DPP4: variants seen among roughly 807,000 people sequenced by gnomAD.
DPP4 encodes dipeptidyl peptidase 4.
Under a neutral mutation model 122.4 loss-of-function variants are expected in DPP4, and 93 were observed. The ratio of observed to expected loss-of-function variants is 0.76; its 90% CI spans 0.64 to 0.90. The LOEUF (loss-of-function observed/expected upper bound fraction) is 0.90. DPP4 is among the 40% of genes least tolerant of loss of function. The pLI is 0.00. For missense variants in DPP4, 914 were observed against 907.3 expected, an observed-to-expected ratio of 1.01 and a Z score of -0.09; for synonymous variants, 321 against 302.9, an observed-to-expected ratio of 1.06 and a Z score of -0.62.
At chr2:162,021,731 T>G (rs1437682579) in intron 12 of DPP4, 1 of 152,262 alleles carries the variant, frequency 6.6e-6, no homozygotes, top group Non-Finnish European at 1.5e-5. Context: ...GATGGAGTTG[T>G]GCCTAGTAGA....
chr2:162,007,650 G>A (rs552062221), intron 22 of DPP4, among the ~76,000 whole-genome samples: 2 of 151,978 alleles, frequency 1.3e-5, no homozygotes, highest in South Asian at 2.1e-4. Flanking sequence ...ACCACTAGAG[G>A]TCTCCAAAAA....
chr2:162,023,685 T>C (rs551832288), intron 11 of DPP4, among the ~76,000 whole-genome samples: 1 of 152,320 alleles, frequency 6.6e-6, no homozygotes, highest in South Asian at 2.1e-4. Flanking sequence ...CTATTCCCTC[T>C]GTACCTTGGT....
At chr2:162,067,208 C>T (rs1684976984) in intron 2 of DPP4, among the ~76,000 whole-genome samples, 2 of 152,140 alleles carry the variant, frequency 1.3e-5, no homozygotes, top group South Asian at 4.1e-4. Flanking sequence ...ATCCATGAAA[C>T]TTATGGACAT....
intron 22 of DPP4, among the ~76,000 whole-genome samples, chr2:162,007,163 A>G (rs1701302450): frequency 6.6e-6 from 1 of 152,086 alleles, no homozygotes; most frequent in Non-Finnish European, 1.5e-5. Context: ...GAATATTTTA[A>G]AAGACACTTT....
chr2:162,008,870 T>C (rs1038279059), intron 21 of DPP4, among the ~76,000 whole-genome samples: 8 of 152,146 alleles, frequency 5.3e-5, no homozygotes, highest in African/African-American at 1.9e-4. Context: ...GGTAGGTATA[T>C]GGGGAAAACT....
intron 2 of DPP4, among the ~76,000 whole-genome samples, chr2:162,071,366 G>A (rs1018209318): frequency 3.3e-5 from 5 of 152,244 alleles, no homozygotes; most frequent in South Asian, 2.1e-4. Flanking sequence ...TCTCTCCGCC[G>A]GGTGCAGTGG....
At chr2:162,047,580 C>G (rs1274458386) in intron 2 of DPP4, 79 bp from the exon 3 acceptor site, 1 of 958,916 alleles carries the variant, frequency 1.0e-6, no homozygotes, top group African/African-American at 1.6e-5. Flanking sequence ...ACAAATGGAT[C>G]TCTACAATAT....
rs376778340 is a variant in DPP4 at position 162,073,446 on chromosome 2, G to A, written c.47C>T (p.Ala16Val). 6.2e-7 allele frequency: 1 copy of A among 1,613,936 alleles called. No homozygotes were observed. The highest frequency in any genetic ancestry group is 1.3e-5 in the African/African-American group (1 of 74,924). Residue 16 changes from alanine (A) to valine (V), a missense_variant, in exon 2 of 26, where the codon GCG (alanine) becomes GTG (valine). Physicochemically the swap from Ala to Val is moderately conservative, Grantham distance 64. Transcript: ENST00000360534. ...GGGCACGGTGATGATGGTGACAAGC[G>A]CAGCAGCACCCAGCAGTCCCAGAAG... is the stretch of plus-strand genomic sequence containing the variant. ...KVLLGLLGAA[A>V]LVTIITVPVV... is the part of the protein sequence containing the mutation.
chr2:161,994,871 G>C (rs1700958922), intron 25 of DPP4, 90 bp downstream of exon 25: 1 of 1,240,180 alleles, frequency 8.1e-7, no homozygotes, highest in African/African-American at 1.5e-5. Context: ...ATTCTGTCCT[G>C]TCTGTGGCAC....
At chr2:162,006,931 T>G (rs574201362) in intron 22 of DPP4, among the ~76,000 whole-genome samples, 89 of 152,236 alleles carry the variant, frequency 5.8e-4, no homozygotes, top group African/African-American at 2.1e-3. Flanking sequence ...ATGGATATAT[T>G]ATCTAAATTC....
intron 4 of DPP4, among the ~76,000 whole-genome samples, chr2:162,046,175 T>C (rs1193792530): frequency 1.3e-5 from 2 of 151,622 alleles, no homozygotes; most frequent in African/African-American, 4.8e-5. Context: ...TCAGCCTAGA[T>C]ATGGGGAGTG....
chr2:161,998,845 A>G (rs1286620915), intron 23 of DPP4, among the ~76,000 whole-genome samples: 1 of 152,212 alleles, frequency 6.6e-6, no homozygotes, highest in Non-Finnish European at 1.5e-5. Flanking sequence ...AAAGACGAAA[A>G]CTGTGATAAA....
chr2:162,035,039 G>T, intron 9 of DPP4, 125 bp downstream of exon 9: 1 of 906,926 alleles, frequency 1.1e-6, no homozygotes, highest in Non-Finnish European at 1.6e-6. Context: ...GTTGACTTCA[G>T]CAAGAGTAAT....
chr2:162,019,330 A>T (rs1683038372), intron 14 of DPP4, 54 bp from the exon 15 acceptor site: 1 of 1,290,350 alleles, frequency 7.7e-7, no homozygotes, highest in South Asian at 1.3e-5. Context: ...AAGAAGTCAG[A>T]GGCGATCCAC....
At chr2:162,072,366 T>G (rs1248316729) in intron 2 of DPP4, among the ~76,000 whole-genome samples, 3 of 152,232 alleles carry the variant, frequency 2.0e-5, no homozygotes, top group Non-Finnish European at 4.4e-5. Flanking sequence ...AACCACTGGT[T>G]TCTTCAAATT....
intron 5 of DPP4, 31 bp downstream of exon 5, chr2:162,045,501 A>G: frequency 6.7e-7 from 1 of 1,492,122 alleles, no homozygotes; most frequent in Non-Finnish European, 9.3e-7. Context: ...TGGATTATTT[A>G]AATGTTACAG....
chr2:162,044,415 T>G (rs532171460), intron 5 of DPP4, among the ~76,000 whole-genome samples: 9 of 151,488 alleles, frequency 5.9e-5, no homozygotes, highest in East Asian at 3.9e-4. Context: ...AGTGTTGGTG[T>G]GTGAGTGTTG....
At chr2:162,053,451 C>T (rs1006974123) in intron 2 of DPP4, among the ~76,000 whole-genome samples, 15 of 152,182 alleles carry the variant, frequency 9.9e-5, no homozygotes, top group African/African-American at 3.6e-4. Flanking sequence ...AAAAATAACT[C>T]ATAATGTTTT....
rs116237814 is a variant in DPP4 at position 162,024,546 on chromosome 2, C to T, written c.1023+258G>A. 4.0e-3 allele frequency among the ~76,000 whole-genome samples: 611 copies of T among 152,294 alleles called. 10 individuals carry two copies. Among genetic ancestry groups the T allele is most frequent in the African/African-American group, 0.014 (595 of 41,546 alleles). Reference sequence around the variant, plus strand: ...TCAGATTCTATCTTGTGGTCAGTCACCCCCTCTCCACTTCCCAAGTGATAG... The same window carrying T: ...TCAGATTCTATCTTGTGGTCAGTCATCCCCTCTCCACTTCCCAAGTGATAG... On this transcript the variant is annotated intron_variant, in intron 11 of 25. Transcript: ENST00000360534.
Sources: allele counts gnomAD v4.1 joint callset (sites outside exome capture counted in the v4.1 genomes callset), GRCh38; gene constraint gnomAD v4.1.1; transcripts MANE v1.5; gene names NCBI Gene and HGNC (gene_info 2026-07-23, HGNC 2026-07-21).